Variants in ADAMTSL1 observed in about 807,000 individuals in gnomAD.
The protein encoded by ADAMTSL1 is ADAMTS like 1, also known as ADAMTS-like protein 1.
ADAMTSL1 carries 126 observed loss-of-function variants against 201.8 expected under a neutral mutation model. The ratio of observed to expected loss-of-function variants is 0.62; its 90% CI spans 0.54 to 0.72. The LOEUF (loss-of-function observed/expected upper bound fraction) is 0.72, where lower values mean the gene tolerates loss of function less well. Ranked by LOEUF, ADAMTSL1 falls within the 30% of genes least tolerant of loss-of-function variation. The pLI is 0.00. For missense variants in ADAMTSL1, 2,679 were observed against 2,277.8 expected, an observed-to-expected ratio of 1.18 and a Z score of -3.59; for synonymous variants, 1,121 against 903.4, an observed-to-expected ratio of 1.24 and a Z score of -4.32.
At chr9:18,014,797 C>A (rs1820190365) in intron 1 of ADAMTSL1, among the ~76,000 whole-genome samples, 1 of 151,970 alleles carries the variant, frequency 6.6e-6, no homozygotes, top group Non-Finnish European at 1.5e-5. Context: ...CTGGTGTATC[C>A]AAATACATCA....
intron 2 of ADAMTSL1, among the ~76,000 whole-genome samples, chr9:18,300,098 A>G (rs1833642500): frequency 6.6e-6 from 1 of 152,174 alleles, no homozygotes; most frequent in South Asian, 2.1e-4. Context: ...TGACTCAGCA[A>G]TCCCGTTACT....
chr9:18,512,686 C>T (rs1206199524), intron 2 of ADAMTSL1, among the ~76,000 whole-genome samples: 1 of 152,004 alleles, frequency 6.6e-6, no homozygotes, highest in Non-Finnish European at 1.5e-5. Context: ...AGAGAAGTTC[C>T]CCCAGTTCTA....
chr9:18,655,143 A>G (rs1029227261), intron 7 of ADAMTSL1, among the ~76,000 whole-genome samples: 1 of 152,256 alleles, frequency 6.6e-6, no homozygotes, highest in Non-Finnish European at 1.5e-5. Flanking sequence ...AGATGCTTTA[A>G]CAGTGCTTTC....
chr9:18,148,344 A>C (rs1265084409), intron 1 of ADAMTSL1, among the ~76,000 whole-genome samples: 1 of 151,846 alleles, frequency 6.6e-6, no homozygotes, highest in Non-Finnish European at 1.5e-5. Flanking sequence ...ACAGCCAAAA[A>C]AAAAAAAACA....
At chr9:17,942,492 G>T (rs569437090) in intron 1 of ADAMTSL1, among the ~76,000 whole-genome samples, 7 of 152,260 alleles carry the variant, frequency 4.6e-5, no homozygotes, top group African/African-American at 1.4e-4. Context: ...CCATTAAATT[G>T]AGAGTCCGTT....
At chr9:17,924,722 T>G (rs1826452488) in intron 1 of ADAMTSL1, among the ~76,000 whole-genome samples, 1 of 146,662 alleles carries the variant, frequency 6.8e-6, no homozygotes, top group African/African-American at 2.5e-5. Context: ...ATTAAAGATT[T>G]AAACGTTAGA....
intron 2 of ADAMTSL1, among the ~76,000 whole-genome samples, chr9:18,390,763 C>T (rs533805729): frequency 5.9e-5 from 9 of 152,120 alleles, no homozygotes; most frequent in African/African-American, 1.9e-4. Flanking sequence ...AGGACCCATT[C>T]TAGCATACAG....
At chr9:18,617,502 G>A (rs941048374) in intron 4 of ADAMTSL1, among the ~76,000 whole-genome samples, 2 of 148,678 alleles carry the variant, frequency 1.3e-5, no homozygotes, top group African/African-American at 5.0e-5. Context: ...TTTTTTGGCA[G>A]GGGGGAGGGG....
At chr9:18,783,599 A>C (rs1408684443) in intron 19 of ADAMTSL1, among the ~76,000 whole-genome samples, 2 of 152,218 alleles carry the variant, frequency 1.3e-5, no homozygotes, top group Non-Finnish European at 2.9e-5. Context: ...CATCTTTTAA[A>C]GGATTATTAA....
chr9:18,704,712 G>T (rs755418276), intron 13 of ADAMTSL1, among the ~76,000 whole-genome samples: 1 of 152,176 alleles, frequency 6.6e-6, no homozygotes, highest in Non-Finnish European at 1.5e-5. Flanking sequence ...TTCCTAAAAA[G>T]CTCCTGCAGG....
At chr9:18,261,404 A>G (rs1831918566) in intron 2 of ADAMTSL1, among the ~76,000 whole-genome samples, 1 of 152,210 alleles carries the variant, frequency 6.6e-6, no homozygotes, top group African/African-American at 2.4e-5. Context: ...TCCATCTGAC[A>G]GCTGCATTAG....
chr9:18,633,902 C>T (rs1826939771), intron 5 of ADAMTSL1, among the ~76,000 whole-genome samples: 1 of 146,168 alleles, frequency 6.8e-6, no homozygotes, highest in African/African-American at 2.5e-5. Flanking sequence ...AGTTGAAACA[C>T]TATTTAAAAA....
At chr9:17,986,699 A>G (rs112413730) in intron 1 of ADAMTSL1, among the ~76,000 whole-genome samples, 34 of 152,204 alleles carry the variant, frequency 2.2e-4, no homozygotes, top group African/African-American at 7.5e-4. Flanking sequence ...CTGTGCTAGC[A>G]AACCCTAACT....
chr9:18,890,269 G>A (rs1829162790), intron 25 of ADAMTSL1, among the ~76,000 whole-genome samples: 1 of 152,178 alleles, frequency 6.6e-6, no homozygotes, highest in African/African-American at 2.4e-5. Flanking sequence ...ATAAATCTCT[G>A]TTTCTGACAG....
At chr9:18,662,796 C>T (rs914744856) in intron 9 of ADAMTSL1, among the ~76,000 whole-genome samples, 2 of 152,102 alleles carry the variant, frequency 1.3e-5, no homozygotes, top group African/African-American at 4.8e-5. Context: ...AAGTGCAGGT[C>T]AAGAATCTTT....
Position 18,777,058 on chromosome 9 carries a change from C to G in ADAMTSL1, c.2829C>G (p.Gly943=). The G allele has an allele frequency of 6.2e-7, 1 of 1,613,112 alleles. No homozygotes were observed. The highest frequency in any genetic ancestry group is 1.1e-5 in the South Asian group (1 of 91,040). The change falls in exon 19 of 29, where the codon GGC becomes GGG. Residue 943 remains glycine (G), a synonymous_variant. Transcript: ENST00000380548. ...KIHRLKPSDA[G]VYTCSAGPAR... is the part of the protein sequence containing the mutation. ...ACCGCCTCAAGCCCTCGGATGCAGG[C>G]GTCTACACCTGCTCAGCGGGCCCGG...
chr9:18,464,719 T>A (rs1291656482), intron 2 of ADAMTSL1, among the ~76,000 whole-genome samples: 2 of 152,242 alleles, frequency 1.3e-5, no homozygotes, highest in African/African-American at 2.4e-5. Context: ...TTACAGTGTT[T>A]TATTTTGTAT....
chr9:18,802,690 G>T (rs1296164949), intron 20 of ADAMTSL1, among the ~76,000 whole-genome samples: 1 of 152,064 alleles, frequency 6.6e-6, no homozygotes, highest in South Asian at 2.1e-4. Context: ...GTTTTTATGT[G>T]GACATATTTT....
chr9:18,249,262 C>T (rs1831375285), intron 2 of ADAMTSL1, among the ~76,000 whole-genome samples: 1 of 152,192 alleles, frequency 6.6e-6, no homozygotes, highest in Non-Finnish European at 1.5e-5. Flanking sequence ...TTGCTCAAAT[C>T]ATAAATGCAC....
Sources: allele counts gnomAD v4.1 joint callset (sites outside exome capture counted in the v4.1 genomes callset), GRCh38; gene constraint gnomAD v4.1.1; transcripts MANE v1.5; gene names NCBI Gene and HGNC (gene_info 2026-07-23, HGNC 2026-07-21).